The following SGCD variants were observed in gnomAD, a reference collection of about 807,000 sequenced individuals.
SGCD encodes delta-sarcoglycan.
Under a neutral mutation model 36.6 loss-of-function variants are expected in SGCD, and 18 were observed. That is an observed-to-expected ratio of 0.49 (90% CI 0.34 to 0.73). The LOEUF (loss-of-function observed/expected upper bound fraction) is 0.73. Ranked by LOEUF, SGCD falls within the 30% of genes least tolerant of loss-of-function variation. The pLI, the probability that SGCD is intolerant of heterozygous loss-of-function variation, is 0.01. For synonymous variants in SGCD, 133 were observed against 130.6 expected (o/e 1.02, Z -0.12); for missense variants, 387 against 346.7 (o/e 1.12, Z -0.92).
chr5:156,329,325 G>C (rs1353415094), intron 1 of SGCD, among the ~76,000 whole-genome samples: 6 of 152,204 alleles, frequency 3.9e-5, no homozygotes, highest in African/African-American at 1.2e-4. Flanking sequence ...TGTTGGACTG[G>C]AGGTGTGCAG....
intron 1 of SGCD, among the ~76,000 whole-genome samples, chr5:156,087,665 G>T (rs77871579): frequency 1.1e-4 from 16 of 147,880 alleles, no homozygotes; most frequent in African/African-American, 3.7e-4. Context: ...AAAAAAACTA[G>T]TTCCTTCTGA....
chr5:156,519,437 G>A (rs930753767), intron 4 of SGCD, among the ~76,000 whole-genome samples: 3 of 152,070 alleles, frequency 2.0e-5, no homozygotes, highest in African/African-American at 7.2e-5. Context: ...TCTACCAGAG[G>A]TACAAAGAGA....
At chr5:156,336,907 G>C (rs1385554735) in intron 2 of SGCD, among the ~76,000 whole-genome samples, 1 of 152,156 alleles carries the variant, frequency 6.6e-6, no homozygotes, top group African/African-American at 2.4e-5. Flanking sequence ...AAGTTAATCT[G>C]AATATTTGTT....
intron 4 of SGCD, among the ~76,000 whole-genome samples, chr5:156,573,433 C>A (rs1398246314): frequency 1.3e-5 from 2 of 152,174 alleles, no homozygotes; most frequent in East Asian, 3.8e-4. Flanking sequence ...TGATTTAGGA[C>A]CCCACATGGA....
At chr5:155,922,757 C>T (rs1218760149) in intron 1 of SGCD, among the ~76,000 whole-genome samples, 1 of 152,060 alleles carries the variant, frequency 6.6e-6, no homozygotes, top group Non-Finnish European at 1.5e-5. Flanking sequence ...GGTGCAAAAG[C>T]TTGGAAGTAC....
chr5:156,037,630 G>A (rs745572230), intron 1 of SGCD, among the ~76,000 whole-genome samples: 3 of 152,164 alleles, frequency 2.0e-5, no homozygotes, highest in Non-Finnish European at 4.4e-5. Context: ...TGATGGCTGT[G>A]ATTTAAATTC....
chr5:156,675,129 C>T (rs886150259), intron 7 of SGCD, among the ~76,000 whole-genome samples: 6 of 152,278 alleles, frequency 3.9e-5, no homozygotes, highest in Middle Eastern at 3.4e-3. Flanking sequence ...CCTTTGTCAC[C>T]TCCCAGAGTG....
intron 3 of SGCD, among the ~76,000 whole-genome samples, chr5:156,366,700 C>G (rs779646503): frequency 1.3e-5 from 2 of 152,126 alleles, no homozygotes; most frequent in South Asian, 2.1e-4. Context: ...GAAGAACATT[C>G]TTCTGAGCTG....
At position 156,448,731 on chromosome 5, in the gene SGCD, CTT is replaced by C. The variant is rs1158844774; in HGVS notation, c.193-59843_193-59842del. On this transcript the variant is annotated intron_variant, in intron 3 of 8. Transcript: ENST00000337851. ...GTGGGAGAAGTTTCTTTTTCTTTTT[CTT>C]TTTTTTTTTTTTTTTTTTTTTTTTT... Among the ~76,000 whole-genome samples, 537 of 75,996 alleles carry C rather than the reference CTT, an allele frequency of 7.1e-3. 2 individuals carry two copies. The highest frequency in any genetic ancestry group is 0.029 in the African/African-American group (474 of 16,350). 49.9% of individuals were successfully genotyped at this position (75,996 alleles called of 152,430 possible). A position where few individuals can be genotyped will look rare whatever the true frequency, so the allele number is the denominator to read the frequency against.
At chr5:156,145,131 G>T (rs983795849) in intron 3 of SGCD, among the ~76,000 whole-genome samples, 2 of 152,140 alleles carry the variant, frequency 1.3e-5, no homozygotes, top group Non-Finnish European at 2.9e-5. Context: ...GAGTCATGGG[G>T]GTGGATCCTT....
Position 156,487,813 on chromosome 5 carries a change from A to AAAAAAAAAAAGAAAAAG in SGCD, c.193-20785_193-20784insAAAAAAAGAAAAAGAAA, listed in dbSNP as rs1554107842. ...CAAAAAAAAAAAAAAAAAAAAAAAA[A>AAAAAAAAAAAGAAAAAG]AAAGAAAGAAAGAAAAAGCTTAACA... On this transcript the variant is annotated intron_variant, in intron 3 of 8. Coordinates refer to ENST00000337851, the MANE Select transcript of SGCD (RefSeq NM_000337.6). Among the ~76,000 whole-genome samples the AAAAAAAAAAAGAAAAAG allele has an allele frequency of 2.8e-4, 22 of 77,804 alleles. 1 individual carries two copies. Among genetic ancestry groups the AAAAAAAAAAAGAAAAAG allele is most frequent in the East Asian group, 4.4e-4 (1 of 2,286 alleles). 51.0% of individuals were successfully genotyped at this position (77,804 alleles called of 152,430 possible).
At chr5:155,944,353 G>A (rs1226771930) in intron 1 of SGCD, among the ~76,000 whole-genome samples, 1 of 152,186 alleles carries the variant, frequency 6.6e-6, no homozygotes, top group Non-Finnish European at 1.5e-5. Flanking sequence ...GATTGTTAAA[G>A]GTTTGCAGAT....
At chr5:155,988,606 C>T (rs1758378374) in intron 1 of SGCD, among the ~76,000 whole-genome samples, 3 of 151,790 alleles carry the variant, frequency 2.0e-5, no homozygotes, top group Admixed American at 6.5e-5. Flanking sequence ...ATACTTTATA[C>T]TTCCAGATGT....
At chr5:156,588,550 G>A (rs1248349325) in intron 4 of SGCD, among the ~76,000 whole-genome samples, 1 of 152,140 alleles carries the variant, frequency 6.6e-6, no homozygotes, top group Non-Finnish European at 1.5e-5. Context: ...TCTGAGTCAT[G>A]CCCAGAAATG....
At chr5:156,033,129 A>G (rs1197712952) in intron 1 of SGCD, among the ~76,000 whole-genome samples, 1 of 152,038 alleles carries the variant, frequency 6.6e-6, no homozygotes, top group Non-Finnish European at 1.5e-5. Flanking sequence ...AAAAAAAAGA[A>G]GCTCAAATTT....
chr5:156,680,403 C>T, intron 7 of SGCD, among the ~76,000 whole-genome samples: 1 of 152,136 alleles, frequency 6.6e-6, no homozygotes. Context: ...TCAGACAGTC[C>T]TTACCCTACC....
At chr5:156,751,142 TAAAC>T (rs1302313794) in intron 7 of SGCD, among the ~76,000 whole-genome samples, 1 of 152,168 alleles carries the variant, frequency 6.6e-6, no homozygotes, top group East Asian at 1.9e-4. Flanking sequence ...AATATTTAAT[TAAAC>T]AATATTTTGC....
At chr5:155,942,339 T>TATCTATCTATC (rs1335294096) in intron 1 of SGCD, among the ~76,000 whole-genome samples, 1 of 151,712 alleles carries the variant, frequency 6.6e-6, no homozygotes, top group Non-Finnish European at 1.5e-5. Context: ...TGTATGTATC[T>TATCTATCTATC]ATCTATCTAT....
At chr5:156,423,174 A>G (rs1773407608) in intron 3 of SGCD, among the ~76,000 whole-genome samples, 1 of 109,314 alleles carries the variant, frequency 9.1e-6, no homozygotes, top group Non-Finnish European at 1.7e-5. Context: ...TATATTTAAT[A>G]TAATTAATTA....
Sources: gnomAD v4.1 joint callset for allele counts (sites outside exome capture counted in the v4.1 genomes callset) on GRCh38, gnomAD v4.1.1 for gene constraint, MANE v1.5 for transcripts, NCBI Gene and HGNC (gene_info 2026-07-23, HGNC 2026-07-21) for gene names.